The following DCHS2 variants were observed in gnomAD, a reference collection of about 807,000 sequenced individuals.
The protein encoded by DCHS2 is dachsous cadherin-related 2, also known as protocadherin-23.
A neutral mutation model predicts 182.4 loss-of-function variants in DCHS2; 142 were observed. That is an observed-to-expected ratio of 0.78 (90% CI 0.68 to 0.89). The LOEUF is 0.89. Among genes scored for constraint, DCHS2 ranks in the 40% least tolerant of loss-of-function variants. The pLI, the probability that DCHS2 is intolerant of heterozygous loss-of-function variation, is 0.00. For missense variants in DCHS2, 4,319 were observed against 4,198.6 expected (o/e 1.03, Z -0.79); for synonymous variants, 1,740 against 1,663.3 (o/e 1.05, Z -1.12).
intron 13 of DCHS2, among the ~76,000 whole-genome samples, chr4:154,278,815 C>CT (rs1733990739): frequency 6.6e-6 from 1 of 151,968 alleles, no homozygotes; most frequent in Non-Finnish European, 1.5e-5. Flanking sequence ...GGAGAGGTGA[C>CT]TTTCCTAGAT....
At chr4:154,479,316 C>A (rs957289168) in intron 1 of DCHS2, among the ~76,000 whole-genome samples, 6 of 151,792 alleles carry the variant, frequency 4.0e-5, no homozygotes, top group African/African-American at 1.5e-4. Flanking sequence ...AGTCTCAAGG[C>A]CTCAGATCTA....
At chr4:154,485,067 T>A (rs1728536047) in intron 1 of DCHS2, among the ~76,000 whole-genome samples, 1 of 151,944 alleles carries the variant, frequency 6.6e-6, no homozygotes, top group African/African-American at 2.4e-5. Context: ...AACATACCAG[T>A]TATCTCCAAT....
intron 13 of DCHS2, among the ~76,000 whole-genome samples, chr4:154,278,848 A>C (rs1317936380): frequency 6.6e-6 from 1 of 152,120 alleles, no homozygotes; most frequent in Admixed American, 6.6e-5. Flanking sequence ...AGGGATTTCA[A>C]GTCTATTAAA....
chr4:154,488,894 GTGTGTGTC>G (rs1422321913), intron 1 of DCHS2, among the ~76,000 whole-genome samples: 2,225 of 18,396 alleles, frequency 0.12, 50 homozygotes, highest in East Asian at 0.27. Context: ...ATATGTGTGT[GTGTGTGTC>G]TGTGTGTGTG....
rs376514564 is a variant in DCHS2 at position 154,409,373 on chromosome 4, C to T, written c.2053-31929G>A. The stretch of plus-strand genomic sequence containing the variant: ...TTATGCAGTGTCTTATCTTCTGGGG[C>T]CTGAGTTTCCACTGTGCCTTATTGG... On this transcript the variant is annotated intron_variant, in intron 1 of 19. Transcript: ENST00000357232. 3.0e-4 allele frequency among the ~76,000 whole-genome samples: 46 copies of T among 152,256 alleles called. No individual in the cohort carries two copies. In the East Asian group the frequency reaches 3.3e-3, roughly 11 times the overall value.
chr4:154,235,983 G>T lies in DCHS2; in HGVS notation c.8669C>A (p.Pro2890Gln), dbSNP rs574592615. ...FTQDQYFFTL[P>Q]EKNKDRQLIG... The stretch of plus-strand genomic sequence containing the variant: ...CAACTGTCTGTCTTTATTCTTTTCT[G>T]GGAGGGTGAAAAAATACTGATCTTG... Residue 2890 changes from proline (P) to glutamine (Q), a missense_variant, in exon 20 of 20, where the codon CCA (proline) becomes CAA (glutamine). Physicochemically the swap from Pro to Gln is moderately conservative, Grantham distance 76. Transcript: ENST00000357232. 1 of 1,613,952 alleles carries T rather than the reference G, an allele frequency of 6.2e-7. No individual in the cohort carries two copies. The highest frequency in any genetic ancestry group is 1.3e-5 in the African/African-American group (1 of 75,034).
chr4:154,376,706 GCTCT>G (rs1396853135), intron 2 of DCHS2, among the ~76,000 whole-genome samples: 5 of 152,180 alleles, frequency 3.3e-5, no homozygotes, highest in Non-Finnish European at 7.3e-5. Context: ...AAAACAATCA[GCTCT>G]CTGTCTCTAA....
chr4:154,409,331 A>G (rs763215553), intron 1 of DCHS2, among the ~76,000 whole-genome samples: 8 of 152,208 alleles, frequency 5.3e-5, no homozygotes, highest in Non-Finnish European at 1.2e-4. Context: ...CCATCATCCC[A>G]GGGTCCAGAG....
intron 13 of DCHS2, among the ~76,000 whole-genome samples, chr4:154,277,599 T>C (rs554023440): frequency 2.2e-5 from 3 of 135,462 alleles, no homozygotes; most frequent in Non-Finnish European, 4.6e-5. Context: ...TCTAGAGAGG[T>C]GGTGATTTTT....
At chr4:154,484,597 A>T (rs1273759099) in intron 1 of DCHS2, among the ~76,000 whole-genome samples, 1 of 152,212 alleles carries the variant, frequency 6.6e-6, no homozygotes, top group Non-Finnish European at 1.5e-5. Context: ...TTTCACTACA[A>T]AACACATATT....
chr4:154,403,997 G>A (rs540465545), intron 1 of DCHS2, among the ~76,000 whole-genome samples: 2 of 151,702 alleles, frequency 1.3e-5, no homozygotes, highest in East Asian at 1.9e-4. Context: ...TGCTTGCTAC[G>A]GGCTTATCAA....
intron 16 of DCHS2, among the ~76,000 whole-genome samples, chr4:154,253,483 A>G (rs1732488231): frequency 6.6e-6 from 1 of 152,238 alleles, no homozygotes; most frequent in East Asian, 1.9e-4. Flanking sequence ...TTCTTAGAAC[A>G]TGGCAGACCT....
intron 1 of DCHS2, among the ~76,000 whole-genome samples, chr4:154,378,292 A>G (rs1731005632): frequency 6.6e-6 from 1 of 152,116 alleles, no homozygotes; most frequent in South Asian, 2.1e-4. Context: ...AACAGGCTCT[A>G]TAGAACTCAA....
chr4:154,487,894 T>C (rs1399471640), intron 1 of DCHS2, among the ~76,000 whole-genome samples: 1 of 152,162 alleles, frequency 6.6e-6, no homozygotes, highest in African/African-American at 2.4e-5. Context: ...AAATAGGAAA[T>C]TGGCCAGGCA....
At chr4:154,285,647 G>C (rs2111246417) in intron 13 of DCHS2, among the ~76,000 whole-genome samples, 1 of 152,242 alleles carries the variant, frequency 6.6e-6, no homozygotes, top group South Asian at 2.1e-4. Context: ...AGACTCTTAT[G>C]CTTGTAGAAA....
chr4:154,331,222 G>A (rs1238259897), intron 5 of DCHS2, among the ~76,000 whole-genome samples: 3 of 152,266 alleles, frequency 2.0e-5, no homozygotes, highest in Non-Finnish European at 1.5e-5. Context: ...GGCACAGGGC[G>A]TGTCAGGAAT....
chr4:154,283,888 C>G (rs753280271), intron 13 of DCHS2, among the ~76,000 whole-genome samples: 1 of 152,104 alleles, frequency 6.6e-6, no homozygotes, highest in Non-Finnish European at 1.5e-5. Flanking sequence ...TTTTCAGGAG[C>G]CATCCTCATT....
intron 1 of DCHS2, among the ~76,000 whole-genome samples, chr4:154,485,447 C>T (rs904802478): frequency 6.6e-6 from 1 of 152,136 alleles, no homozygotes; most frequent in Non-Finnish European, 1.5e-5. Context: ...GGTCAGAACA[C>T]ATGGAGAAGG....
chr4:154,427,400 T>C (rs985381456), intron 1 of DCHS2, among the ~76,000 whole-genome samples: 1 of 152,200 alleles, frequency 6.6e-6, no homozygotes, highest in Non-Finnish European at 1.5e-5. Context: ...ATCTAACAGC[T>C]CTAAGAGAAG....
Sources: allele counts gnomAD v4.1 joint callset (sites outside exome capture counted in the v4.1 genomes callset), GRCh38; gene constraint gnomAD v4.1.1; transcripts MANE v1.5; gene names NCBI Gene and HGNC (gene_info 2026-07-23, HGNC 2026-07-21).